The following PPME1 variants were observed in gnomAD, a reference collection of about 807,000 sequenced individuals.
PPME1 encodes protein phosphatase methylesterase 1, also known as testicular secretory protein Li 39.
Under a neutral mutation model 56.9 loss-of-function variants are expected in PPME1, and 17 were observed. That is an observed-to-expected ratio of 0.30 (90% confidence interval 0.20 to 0.45). The LOEUF is 0.45. PPME1 is among the 20% of genes least tolerant of loss of function. The pLI, the probability that PPME1 is intolerant of heterozygous loss-of-function variation, is 1.00. For synonymous variants in PPME1, 122 were observed against 156.2 expected, an observed-to-expected ratio of 0.78 and a Z score of 1.63; for missense variants, 357 against 483.2, an observed-to-expected ratio of 0.74 and a Z score of 2.45.
At chr11:74,189,270 T>C (rs1248217239) in intron 1 of PPME1, among the ~76,000 whole-genome samples, 1 of 152,160 alleles carries the variant, frequency 6.6e-6, no homozygotes, top group African/African-American at 2.4e-5. Flanking sequence ...AGCATACATA[T>C]GGTTCTGCAT....
At chr11:74,239,733 C>T (rs1024073331) in intron 9 of PPME1, among the ~76,000 whole-genome samples, 5 of 151,986 alleles carry the variant, frequency 3.3e-5, no homozygotes, top group Non-Finnish European at 5.9e-5. Flanking sequence ...CCCGCCACCA[C>T]ACCCAGCTAA....
intron 5 of PPME1, among the ~76,000 whole-genome samples, chr11:74,228,228 CT>C (rs1396345595): frequency 6.7e-6 from 1 of 149,394 alleles, no homozygotes; most frequent in African/African-American, 2.5e-5. Flanking sequence ...TTTTTCTGGT[CT>C]GTTATTTTAA....
rs565688217 is a variant in PPME1 at position 74,240,935 on chromosome 11, C to T, written c.834+1679C>T. On this transcript the variant is annotated intron_variant, in intron 9 of 13. Coordinates refer to ENST00000328257, the MANE Select transcript of PPME1 (RefSeq NM_016147.3). ...TAGTTCTGCATTGTAGGTATTATCA[C>T]CATTTTACAACTTAGGTACAGATAC... Among the ~76,000 whole-genome samples, 10 of 152,328 alleles carry T rather than the reference C, an allele frequency of 6.6e-5. No individual in the cohort carries two copies. In the South Asian group the frequency reaches 2.1e-3, roughly 32 times the overall value.
At chr11:74,206,923 A>G (rs1296486063) in intron 3 of PPME1, among the ~76,000 whole-genome samples, 1 of 152,216 alleles carries the variant, frequency 6.6e-6, no homozygotes, top group African/African-American at 2.4e-5. Flanking sequence ...GCCAGGTACT[A>G]TGCTAAGTGC....
chr11:74,236,065 G>A, intron 8 of PPME1, 99 bp downstream of exon 8: 2 of 1,496,808 alleles, frequency 1.3e-6, no homozygotes, highest in Non-Finnish European at 1.8e-6. Context: ...TACCATTCCG[G>A]TAAATGCCTT....
At chr11:74,221,965 C>T (rs1858812041) in intron 3 of PPME1, among the ~76,000 whole-genome samples, 1 of 152,034 alleles carries the variant, frequency 6.6e-6, no homozygotes, top group Non-Finnish European at 1.5e-5. Flanking sequence ...GATTCTCTCT[C>T]CAGAGTAAGG....
intron 5 of PPME1, among the ~76,000 whole-genome samples, chr11:74,226,667 G>A (rs1222275220): frequency 6.6e-6 from 1 of 152,162 alleles, no homozygotes; most frequent in Non-Finnish European, 1.5e-5. Flanking sequence ...GATGATGATA[G>A]CTTGGTTGAC....
At chr11:74,233,174 A>G (rs901144301) in intron 7 of PPME1, among the ~76,000 whole-genome samples, 1 of 152,138 alleles carries the variant, frequency 6.6e-6, no homozygotes, top group African/African-American at 2.4e-5. Flanking sequence ...GAAGGAAGCC[A>G]GGGGATATAC....
intron 3 of PPME1, among the ~76,000 whole-genome samples, chr11:74,211,686 A>G (rs1242342194): frequency 1.3e-5 from 2 of 152,194 alleles, no homozygotes; most frequent in Non-Finnish European, 2.9e-5. Flanking sequence ...TAGATAAAAA[A>G]TATTTCATAT....
In PPME1 at chr11:74,204,410, G is replaced by A. The variant is rs1229647312; in HGVS notation, c.253G>A (p.Gly85Arg). Reference protein sequence around the residue: ...EGPVLLLLHGGGHSALSWAVF... With the variant: ...EGPVLLLLHGRGHSALSWAVF... ...TCCAGTCCTGCTCCTTCTGCATGGA[G>A]GAGGTCATTCTGCCCTTTCTTGGGC... Residue 85 changes from glycine to arginine, a missense_variant, in exon 3 of 14, where the codon GGA (glycine) becomes AGA (arginine). This residue lies in a region of PPME1 where 175 missense variants were observed against 189.4 expected (regional missense o/e 0.92). Transcript: ENST00000328257. 2 of 1,613,368 alleles carry A rather than the reference G, an allele frequency of 1.2e-6. No homozygotes were observed.
At chr11:74,182,328 A>G (rs1857561964) in intron 1 of PPME1, among the ~76,000 whole-genome samples, 1 of 152,092 alleles carries the variant, frequency 6.6e-6, no homozygotes. Flanking sequence ...CCTCAATTCT[A>G]AGATACATTT....
At chr11:74,217,045 A>C (rs1454204600) in intron 3 of PPME1, among the ~76,000 whole-genome samples, 1 of 152,240 alleles carries the variant, frequency 6.6e-6, no homozygotes, top group Non-Finnish European at 1.5e-5. Context: ...ACATTTAAAA[A>C]AGAAATAACA....
chr11:74,242,147 A>G (rs1337761641), intron 9 of PPME1, among the ~76,000 whole-genome samples: 1 of 152,204 alleles, frequency 6.6e-6, no homozygotes, highest in Non-Finnish European at 1.5e-5. Flanking sequence ...ATGTTTGTGT[A>G]TGATATCAGG....
chr11:74,230,732 G>C lies in PPME1; in HGVS notation c.554-180G>C, dbSNP rs1859044893. On this transcript the variant is annotated intron_variant, in intron 6 of 13. Transcript: ENST00000328257. This position sits in a 1 kb window ranked among gnomAD's most constrained non-coding sequence, Gnocchi z 4.9. Reference sequence around the variant, plus strand: ...ATACAAGTCATCCTCTTCAGTGTGAGGGCATGACATAAAGAAGTGAATACC... The same window carrying C: ...ATACAAGTCATCCTCTTCAGTGTGACGGCATGACATAAAGAAGTGAATACC... 1 of 617,984 alleles carries C rather than the reference G, an allele frequency of 1.6e-6. No homozygotes were observed. The highest frequency in any genetic ancestry group is 2.8e-6 in the Non-Finnish European group (1 of 354,194). 38.3% of individuals were successfully genotyped at this position (617,984 alleles called of 1,614,324 possible). A position where few individuals can be genotyped will look rare whatever the true frequency, so the allele number is the denominator to read the frequency against.
At chr11:74,215,370 T>A (rs553203308) in intron 3 of PPME1, among the ~76,000 whole-genome samples, 1 of 152,108 alleles carries the variant, frequency 6.6e-6, no homozygotes, top group South Asian at 2.1e-4. Flanking sequence ...CAACAAAAAT[T>A]AAAAAGTGGA....
At chr11:74,225,825 T>C (rs1402598856) in intron 5 of PPME1, among the ~76,000 whole-genome samples, 1 of 152,170 alleles carries the variant, frequency 6.6e-6, no homozygotes, top group Non-Finnish European at 1.5e-5. Flanking sequence ...CCAGACCTAC[T>C]TCTAGCAGTG....
chr11:74,191,603 G>T (rs1857839969), intron 1 of PPME1, among the ~76,000 whole-genome samples: 1 of 152,164 alleles, frequency 6.6e-6, no homozygotes, highest in African/African-American at 2.4e-5. Context: ...TGGTTTCAGG[G>T]CCCAAGCCCA....
At chr11:74,206,565 G>A (rs745842855) in intron 3 of PPME1, among the ~76,000 whole-genome samples, 4 of 152,022 alleles carry the variant, frequency 2.6e-5, no homozygotes, top group Non-Finnish European at 5.9e-5. Flanking sequence ...GTTTTCAGTT[G>A]TATTTTATTT....
chr11:74,196,339 C>G (rs1350583836), intron 1 of PPME1, among the ~76,000 whole-genome samples: 1 of 152,134 alleles, frequency 6.6e-6, no homozygotes, highest in East Asian at 1.9e-4. Context: ...CCTAAGATCA[C>G]AGAGTTTTAC....
Sources: gnomAD v4.1 joint callset for allele counts (sites outside exome capture counted in the v4.1 genomes callset) on GRCh38, gnomAD v4.1.1 for gene constraint, gnomAD v4.1.1 regional missense constraint, Gnocchi (gnomAD v3.1) non-coding constraint, MANE v1.5 for transcripts, NCBI Gene and HGNC (gene_info 2026-07-23, HGNC 2026-07-21) for gene names.